The following CHSY1 variants were observed in gnomAD, a reference collection of about 807,000 sequenced individuals.
CHSY1 encodes chondroitin sulfate synthase 1.
Under a neutral mutation model 59.8 loss-of-function variants are expected in CHSY1, and 13 were observed. That is an observed-to-expected ratio of 0.22 (90% CI 0.14 to 0.35). The LOEUF is 0.35. CHSY1 is among the 10% of genes least tolerant of loss of function. CHSY1 has a pLI of 1.00. For missense variants in CHSY1, 947 were observed against 1,030.6 expected (o/e 0.92, Z 1.11); for synonymous variants, 459 against 401.2 (o/e 1.14, Z -1.72).
At chr15:101,195,903 C>G (rs771812237) in intron 2 of CHSY1, among the ~76,000 whole-genome samples, 2 of 150,768 alleles carry the variant, frequency 1.3e-5, no homozygotes, top group South Asian at 4.2e-4. Context: ...ATTCCAGATA[C>G]ATAGTGTCGA....
chr15:101,184,264 A>G (rs2141241576), intron 2 of CHSY1, among the ~76,000 whole-genome samples: 1 of 152,348 alleles, frequency 6.6e-6, no homozygotes, highest in East Asian at 1.9e-4. Context: ...AGTATTGACT[A>G]AACAGGCTGG....
At chr15:101,248,510 G>A (rs572105714) in intron 1 of CHSY1, among the ~76,000 whole-genome samples, 168 of 152,344 alleles carry the variant, frequency 1.1e-3, no homozygotes, top group African/African-American at 3.8e-3. Context: ...AGTGACATTA[G>A]CTGGACACTA....
Position 101,176,272 on chromosome 15 carries a change from G to T in CHSY1, c.*1116C>A. On this transcript the variant is annotated 3_prime_UTR_variant, in exon 3 of 3. Transcript: ENST00000254190. The stretch of plus-strand genomic sequence containing the variant: ...CAGATACAAAGGATAAAACAAAACA[G>T]TAATGAAAGAATGAAAACCATCTCC... 2.5e-6 allele frequency: 1 copy of T among 398,376 alleles called. No individual in the cohort carries two copies. The highest frequency in any genetic ancestry group is 6.3e-4 in the Middle Eastern group (1 of 1,588). 24.7% of individuals were successfully genotyped at this position (398,376 alleles called of 1,614,324 possible).
chr15:101,199,332 T>A (rs2038545191), intron 2 of CHSY1, among the ~76,000 whole-genome samples: 2 of 152,104 alleles, frequency 1.3e-5, no homozygotes. Flanking sequence ...TGAAACTCCG[T>A]CTCTACTAAA....
chr15:101,227,796 C>A (rs1003394618), intron 2 of CHSY1, among the ~76,000 whole-genome samples: 6 of 152,188 alleles, frequency 3.9e-5, no homozygotes, highest in African/African-American at 1.4e-4. Context: ...CTAAGGAAAT[C>A]TCTGTCCAGT....
chr15:101,215,047 C>T (rs1054297042), intron 2 of CHSY1, among the ~76,000 whole-genome samples: 1 of 152,200 alleles, frequency 6.6e-6, no homozygotes, highest in African/African-American at 2.4e-5. Flanking sequence ...TGAGACACCT[C>T]GCCCCCACTT....
Position 101,178,100 on chromosome 15 carries a change from T to C in CHSY1, c.1697A>G (p.Lys566Arg), listed in dbSNP as rs774020290. 21 of 1,614,230 alleles carry C rather than the reference T, an allele frequency of 1.3e-5. No individual in the cohort carries two copies. The highest frequency in any genetic ancestry group is 4.4e-5 in the South Asian group (4 of 91,086). ...AGAATTGAAAAGCAGAACCACGAGCTTGACGTTCTGATTGGGGATAAGACA... is the reference window on the plus strand; with the variant it reads ...AGAATTGAAAAGCAGAACCACGAGCCTGACGTTCTGATTGGGGATAAGACA... ...KTCLIPNQNV[K>R]LVVLLFNSDS... The change falls in exon 3 of 3, where the codon AAG becomes AGG. Residue 566 changes from lysine (K) to arginine (R), a missense_variant. Around this residue, in one of 4 missense-constraint regions of CHSY1, gnomAD observed 602 missense variants for 676.9 expected, o/e 0.89. Transcript: ENST00000254190.
At chr15:101,211,302 C>A (rs1161371055) in intron 2 of CHSY1, among the ~76,000 whole-genome samples, 3 of 151,986 alleles carry the variant, frequency 2.0e-5, no homozygotes, top group Non-Finnish European at 4.4e-5. Context: ...CCAGCCTGTG[C>A]GAAAGAGCGA....
rs12595443 is a variant in CHSY1 at position 101,181,803 on chromosome 15, G to A, written c.817-2823C>T. 1.2e-3 allele frequency among the ~76,000 whole-genome samples: 176 copies of A among 152,196 alleles called. 2 individuals are homozygous for A. The East Asian group carries it at 0.028, about 24-fold the overall frequency. ...GAACGACGTGGGGGTTAGGAGTGCC[G>A]ACTCCTCATGCAGTCAAAAACCCAT... On this transcript the variant is annotated intron_variant, in intron 2 of 2. Coordinates refer to ENST00000254190, the MANE Select transcript of CHSY1 (RefSeq NM_014918.5).
intron 2 of CHSY1, among the ~76,000 whole-genome samples, chr15:101,193,540 G>A (rs1045297746): frequency 6.6e-6 from 1 of 152,248 alleles, no homozygotes; most frequent in Non-Finnish European, 1.5e-5. Context: ...GGGAGCAGGC[G>A]AACGCTCCTT....
intron 2 of CHSY1, among the ~76,000 whole-genome samples, chr15:101,179,250 A>T (rs574885314): frequency 1.3e-5 from 2 of 152,336 alleles, no homozygotes; most frequent in South Asian, 4.1e-4. Context: ...TAATGAAAAC[A>T]TATAAAATTG....
At chr15:101,225,234 ATT>A (rs34639241) in intron 2 of CHSY1, among the ~76,000 whole-genome samples, 3 of 144,760 alleles carry the variant, frequency 2.1e-5, no homozygotes, top group African/African-American at 2.5e-5. Context: ...TACCCAGCTG[ATT>A]TTTTTTTTTT....
intron 2 of CHSY1, among the ~76,000 whole-genome samples, chr15:101,215,522 G>T (rs2038723053): frequency 6.6e-6 from 1 of 152,218 alleles, no homozygotes; most frequent in Admixed American, 6.5e-5. Flanking sequence ...ATCACCTGAG[G>T]TCAGCAGTTC....
At chr15:101,193,847 A>G (rs2038475777) in intron 2 of CHSY1, among the ~76,000 whole-genome samples, 1 of 152,180 alleles carries the variant, frequency 6.6e-6, no homozygotes, top group Admixed American at 6.5e-5. Flanking sequence ...TTGCCTGACA[A>G]AACCTGCTCT....
In CHSY1 at chr15:101,231,525, A is replaced by C. The variant is rs558091428; in HGVS notation, c.816+3557T>G. 6.6e-5 allele frequency among the ~76,000 whole-genome samples: 10 copies of C among 152,332 alleles called. No homozygotes were observed. In the South Asian group the frequency reaches 1.9e-3, roughly 28 times the overall value. On this transcript the variant is annotated intron_variant, in intron 2 of 2. Transcript: ENST00000254190. ...ACAGTATTGGCTATTAAAAACAATT[A>C]ATATTTTAAAGCTGTCAAATCCACC...
intron 2 of CHSY1, among the ~76,000 whole-genome samples, chr15:101,187,180 G>C (rs1044382930): frequency 6.6e-6 from 1 of 152,136 alleles, no homozygotes; most frequent in Non-Finnish European, 1.5e-5. Flanking sequence ...TGACATTTTT[G>C]TTATAAAGAA....
chr15:101,229,705 A>G lies in CHSY1; in HGVS notation c.816+5377T>C, dbSNP rs144071916. 3.7e-3 allele frequency among the ~76,000 whole-genome samples: 564 copies of G among 152,146 alleles called. 1 individual carries two copies. Among genetic ancestry groups the G allele is most frequent in the African/African-American group, 0.013 (533 of 41,526 alleles). ...GCAGATCACTTGAGGCCAGGAGTTCAAGACCAGCCTGGTTAACATGGTGAA... is the reference window on the plus strand; with the variant it reads ...GCAGATCACTTGAGGCCAGGAGTTCGAGACCAGCCTGGTTAACATGGTGAA... On this transcript the variant is annotated intron_variant, in intron 2 of 2. Transcript: ENST00000254190.
chr15:101,251,268 G>T lies in CHSY1; in HGVS notation c.189C>A (p.Gly63=), dbSNP rs988011598. ...GCCAGAGCTGCGCCCCGCGCGCATC[G>T]CCGCGCGCCCCGCCGGCCTGGGAAG... ...AAASQAGGAR[G]DARGAQLWPP... The change falls in exon 1 of 3, where the codon GGC becomes GGA. Residue 63 remains glycine (G), a synonymous_variant. Transcript: ENST00000254190. 1.5e-6 allele frequency: 2 copies of T among 1,340,428 alleles called. No individual in the cohort carries two copies. The highest frequency in any genetic ancestry group is 3.2e-5 in the East Asian group (1 of 31,292). 83.0% of individuals were successfully genotyped at this position (1,340,428 alleles called of 1,614,324 possible). A position where few individuals can be genotyped will look rare whatever the true frequency, so the allele number is the denominator to read the frequency against.
In CHSY1 at chr15:101,251,123, G is replaced by A. The variant is rs759785519; in HGVS notation, c.320+14C>T. On this transcript the variant is annotated intron_variant, in intron 1 of 2. Coordinates refer to ENST00000254190, the MANE Select transcript of CHSY1 (RefSeq NM_014918.5). ...CCGGACGCAGGAGGCGGTGCCCGGG[G>A]AGCAGGGGCTCACCTGTAGGCGGCC... 6.4e-7 allele frequency: 1 copy of A among 1,566,392 alleles called. No individual in the cohort carries two copies. Among genetic ancestry groups the A allele is most frequent in the Non-Finnish European group, 8.6e-7 (1 of 1,160,756 alleles).
Sources: allele counts gnomAD v4.1 joint callset (sites outside exome capture counted in the v4.1 genomes callset), GRCh38; gene constraint gnomAD v4.1.1; regional missense constraint gnomAD v4.1.1; transcripts MANE v1.5; gene names NCBI Gene and HGNC (gene_info 2026-07-23, HGNC 2026-07-21).